STPG2: variants seen among roughly 807,000 people sequenced by gnomAD.
STPG2 encodes the protein sperm-tail PG-rich repeat-containing protein 2.
Under a neutral mutation model 54.2 loss-of-function variants are expected in STPG2, and 56 were observed. The observed-to-expected ratio is 1.03, with a 90% CI of 0.83 to 1.29. The LOEUF (loss-of-function observed/expected upper bound fraction) is 1.29. STPG2 is among the 50% of genes most tolerant of loss of function. STPG2 has a pLI of 0.00. For synonymous variants in STPG2, 200 were observed against 181.8 expected, an observed-to-expected ratio of 1.10 and a Z score of -0.81; for missense variants, 596 against 544.9, an observed-to-expected ratio of 1.09 and a Z score of -0.93.
chr4:97,472,037 T>G (rs1353035975), intron 4 of STPG2, among the ~76,000 whole-genome samples: 1 of 152,192 alleles, frequency 6.6e-6, no homozygotes, highest in Non-Finnish European at 1.5e-5. Context: ...TGAACAGTAC[T>G]TTGTAAGAAG....
chr4:97,459,291 T>A (rs1314850187), intron 4 of STPG2, among the ~76,000 whole-genome samples: 3 of 152,148 alleles, frequency 2.0e-5, no homozygotes, highest in African/African-American at 4.8e-5. Context: ...AAACAAAATT[T>A]AAACTGTAAA....
intron 4 of STPG2, among the ~76,000 whole-genome samples, chr4:97,481,101 A>AT (rs369703132): frequency 3.3e-5 from 5 of 151,528 alleles, no homozygotes; most frequent in Admixed American, 6.6e-5. Flanking sequence ...GAAAAAACAC[A>AT]TTTTTTGGCA....
At chr4:97,599,984 G>C (rs979748880) in intron 10 of STPG2, among the ~76,000 whole-genome samples, 2 of 152,062 alleles carry the variant, frequency 1.3e-5, no homozygotes, top group African/African-American at 4.8e-5. Flanking sequence ...AACTAACACA[G>C]ACACAGAAAA....
At chr4:97,522,848 T>C (rs531743152) in intron 4 of STPG2, among the ~76,000 whole-genome samples, 9 of 152,140 alleles carry the variant, frequency 5.9e-5, no homozygotes, top group African/African-American at 2.2e-4. Flanking sequence ...ACCATCTATA[T>C]TGAATAACTT....
intron 4 of STPG2, among the ~76,000 whole-genome samples, chr4:97,538,638 A>G (rs1008862433): frequency 2.0e-5 from 3 of 152,256 alleles, no homozygotes; most frequent in Non-Finnish European, 4.4e-5. Flanking sequence ...ATCCAGGAGA[A>G]CTTCCCCAAC....
intron 10 of STPG2, among the ~76,000 whole-genome samples, chr4:97,630,017 T>C (rs988327399): frequency 6.6e-6 from 1 of 151,958 alleles, no homozygotes; most frequent in African/African-American, 2.4e-5. Flanking sequence ...AATTAACAAT[T>C]ATCCATGTAT....
At chr4:97,658,972 T>C (rs578240646) in intron 10 of STPG2, among the ~76,000 whole-genome samples, 76 of 152,294 alleles carry the variant, frequency 5.0e-4, no homozygotes, top group African/African-American at 1.4e-3. Context: ...TCCTACTTAT[T>C]TGGTTAGGCA....
rs150115204 is a variant in STPG2, at chr4:97,730,966, T to C, written c.1205-18152A>G. On this transcript the variant is annotated intron_variant, in intron 9 of 10. Transcript: ENST00000295268. ...CAACTTTTTCCTGAATCTTGAGCTT[T>C]TGTGCCATCCAGATTTGAATTCCGT... 3.6e-3 allele frequency among the ~76,000 whole-genome samples: 555 copies of C among 152,310 alleles called. 2 individuals are homozygous for C. Among genetic ancestry groups the C allele is most frequent in the Middle Eastern group, 0.014 (4 of 294 alleles).
At chr4:98,006,329 C>T (rs1346514685) in intron 5 of STPG2, among the ~76,000 whole-genome samples, 1 of 152,160 alleles carries the variant, frequency 6.6e-6, no homozygotes, top group Non-Finnish European at 1.5e-5. Context: ...ACCCAGGCCA[C>T]AGGAAAGCAC....
chr4:97,509,683 GA>G (rs1730930466), intron 4 of STPG2, among the ~76,000 whole-genome samples: 1 of 151,802 alleles, frequency 6.6e-6, no homozygotes, highest in African/African-American at 2.4e-5. Context: ...GAATATAAGG[GA>G]AAACAAAAAA....
At chr4:97,811,064 C>T (rs1467438369) in intron 9 of STPG2, among the ~76,000 whole-genome samples, 2 of 151,910 alleles carry the variant, frequency 1.3e-5, no homozygotes, top group Non-Finnish European at 1.5e-5. Flanking sequence ...CAGTGGGGGC[C>T]CAATCAGTGC....
intron 9 of STPG2, among the ~76,000 whole-genome samples, chr4:97,770,310 G>T (rs1159794622): frequency 6.6e-6 from 1 of 152,136 alleles, no homozygotes; most frequent in African/African-American, 2.4e-5. Flanking sequence ...TATCAGGAAA[G>T]GCTTCACTGT....
intron 9 of STPG2, among the ~76,000 whole-genome samples, chr4:97,797,109 C>T (rs1035167503): frequency 2.6e-5 from 4 of 152,240 alleles, no homozygotes; most frequent in Admixed American, 2.0e-4. Context: ...GGGTTTTCTA[C>T]ACATACAATC....
intron 4 of STPG2, among the ~76,000 whole-genome samples, chr4:97,494,203 G>C (rs936702334): frequency 6.6e-6 from 1 of 151,552 alleles, no homozygotes; most frequent in Non-Finnish European, 1.5e-5. Flanking sequence ...ATATCCATGA[G>C]CTGGAGAGAT....
At chr4:97,511,569 C>CA (rs1479923980) in intron 4 of STPG2, among the ~76,000 whole-genome samples, 3 of 151,654 alleles carry the variant, frequency 2.0e-5, no homozygotes, top group African/African-American at 4.8e-5. Context: ...TAAACAACAA[C>CA]AAAAAAACAG....
chr4:97,561,253 T>C (rs994239179), intron 10 of STPG2, among the ~76,000 whole-genome samples: 2 of 152,224 alleles, frequency 1.3e-5, no homozygotes, highest in African/African-American at 4.8e-5. Context: ...TGTCTTCTTT[T>C]GAGAAGTGTC....
At chr4:97,578,839 C>A (rs1251578776) in intron 10 of STPG2, among the ~76,000 whole-genome samples, 1 of 152,136 alleles carries the variant, frequency 6.6e-6, no homozygotes, top group African/African-American at 2.4e-5. Context: ...ATATTAAGCA[C>A]CTCGTTACTT....
chr4:97,524,767 A>C (rs1302217112), intron 4 of STPG2, among the ~76,000 whole-genome samples: 1 of 151,942 alleles, frequency 6.6e-6, no homozygotes, highest in Non-Finnish European at 1.5e-5. Context: ...AGTTTTGTAC[A>C]ACCAATAACT....
intron 10 of STPG2, among the ~76,000 whole-genome samples, chr4:97,655,526 T>C (rs1015538879): frequency 6.6e-6 from 1 of 152,080 alleles, no homozygotes; most frequent in Admixed American, 6.6e-5. Flanking sequence ...TCAATTTTTT[T>C]CATTACTATT....
Sources: allele counts gnomAD v4.1 joint callset (sites outside exome capture counted in the v4.1 genomes callset), GRCh38; gene constraint gnomAD v4.1.1; transcripts MANE v1.5; gene names NCBI Gene and HGNC (gene_info 2026-07-23, HGNC 2026-07-21).